Variants in METTL15 observed in about 807,000 individuals in gnomAD.
METTL15 encodes 12S rRNA N(4)-cytidine methyltransferase METTL15.
A neutral mutation model predicts 38.3 loss-of-function variants in METTL15; 34 were observed. That is an observed-to-expected ratio of 0.89 (90% CI 0.68 to 1.18). METTL15 has a LOEUF of 1.18. Among genes scored for constraint, METTL15 ranks in the 50% most tolerant of loss-of-function variants. The probability of loss-of-function intolerance (pLI) is 0.00; values close to 1 mark genes in which losing one functional copy is unlikely to be tolerated. For synonymous variants in METTL15, 162 were observed against 170.9 expected, an observed-to-expected ratio of 0.95 and a Z score of 0.41; for missense variants, 438 against 498.4, an observed-to-expected ratio of 0.88 and a Z score of 1.15.
chr11:28,180,297 T>C (rs1192300613), intron 3 of METTL15, among the ~76,000 whole-genome samples: 2 of 151,926 alleles, frequency 1.3e-5, no homozygotes, highest in African/African-American at 2.4e-5. Context: ...CTCTCTGATA[T>C]CACTGCTATC....
intron 5 of METTL15, among the ~76,000 whole-genome samples, chr11:28,362,327 T>C (rs1850146694): frequency 1.3e-5 from 2 of 152,198 alleles, no homozygotes; most frequent in Admixed American, 6.5e-5. Flanking sequence ...CTGCTTTCTT[T>C]TTTTTAATTT....
At chr11:28,196,524 T>C (rs942160632) in intron 3 of METTL15, among the ~76,000 whole-genome samples, 2 of 152,046 alleles carry the variant, frequency 1.3e-5, no homozygotes, top group African/African-American at 4.8e-5. Flanking sequence ...ACAGCAGTGC[T>C]GCTGATGTAT....
chr11:28,522,360 A>C (rs1041469476), intron 6 of METTL15, among the ~76,000 whole-genome samples: 1 of 152,250 alleles, frequency 6.6e-6, no homozygotes, highest in Non-Finnish European at 1.5e-5. Context: ...AAAATGGCCC[A>C]GCAGGCTGGA....
At chr11:28,269,922 T>G (rs1229270146) in intron 4 of METTL15, among the ~76,000 whole-genome samples, 3 of 152,222 alleles carry the variant, frequency 2.0e-5, no homozygotes, top group African/African-American at 7.2e-5. Context: ...GGAAAATATT[T>G]TAGATTTTTA....
intron 6 of METTL15, among the ~76,000 whole-genome samples, chr11:28,318,473 C>T (rs546936157): frequency 3.9e-5 from 6 of 152,160 alleles, no homozygotes; most frequent in East Asian, 3.9e-4. Context: ...GCCGAAGGAA[C>T]GGTATGTGCA....
At chr11:28,451,640 G>A (rs904139003) in intron 6 of METTL15, among the ~76,000 whole-genome samples, 6 of 152,166 alleles carry the variant, frequency 3.9e-5, no homozygotes, top group Non-Finnish European at 2.9e-5. Context: ...GAATGGATTT[G>A]GCATGGTAAA....
At chr11:28,117,241 G>T (rs12795990) in intron 3 of METTL15, among the ~76,000 whole-genome samples, 1 of 62,062 alleles carries the variant, frequency 1.6e-5, no homozygotes. Flanking sequence ...ATGTATGTGT[G>T]TGTGTGTGTG....
chr11:28,279,914 C>CAAAAAAAAAAAAAAAAAA (rs57284585), intron 4 of METTL15, among the ~76,000 whole-genome samples: 1 of 81,632 alleles, frequency 1.2e-5, no homozygotes, highest in African/African-American at 4.8e-5. Context: ...CAAAACAAAA[C>CAAAAAAAAAAAAAAAAAA]AAAAAAAAAA....
At chr11:28,315,713 G>A (rs1395337030) in intron 6 of METTL15, among the ~76,000 whole-genome samples, 1 of 152,206 alleles carries the variant, frequency 6.6e-6, no homozygotes, top group East Asian at 1.9e-4. Flanking sequence ...GGATTCATGG[G>A]CCAGGCCCAA....
chr11:28,341,771 A>G (rs1198023617), intron 3 of METTL15, among the ~76,000 whole-genome samples: 1 of 152,158 alleles, frequency 6.6e-6, no homozygotes, highest in Non-Finnish European at 1.5e-5. Context: ...TGGAGTTTGT[A>G]TTGGACATGC....
chr11:28,181,837 T>A lies in METTL15; in HGVS notation c.271-29225T>A, dbSNP rs1001575094. Among the ~76,000 whole-genome samples the A allele has an allele frequency of 2.0e-5, 3 of 152,118 alleles. No individual in the cohort carries two copies. The South Asian group carries it at 6.2e-4, about 31-fold the overall frequency. On this transcript the variant is annotated intron_variant, in intron 3 of 6. Transcript: ENST00000407364. ...AGATCCTTGAGGAATCATCATACTG[T>A]CTTCCACAATGGTTGAACTCATTTA...
At chr11:28,408,299 A>T (rs1850692370) in intron 5 of METTL15, among the ~76,000 whole-genome samples, 1 of 152,114 alleles carries the variant, frequency 6.6e-6, no homozygotes, top group South Asian at 2.1e-4. Context: ...CTGCATATGA[A>T]TCCCAGAATG....
intron 4 of METTL15, among the ~76,000 whole-genome samples, chr11:28,288,426 A>G (rs1348579277): frequency 6.6e-6 from 1 of 152,184 alleles, no homozygotes; most frequent in East Asian, 1.9e-4. Context: ...ATGCCCATTA[A>G]TGGTAGACTG....
At chr11:28,346,960 C>A (rs1850001397) in intron 3 of METTL15, among the ~76,000 whole-genome samples, 1 of 152,178 alleles carries the variant, frequency 6.6e-6, no homozygotes, top group South Asian at 2.1e-4. Context: ...TGTTTACTAA[C>A]CACAGATTGA....
intron 3 of METTL15, among the ~76,000 whole-genome samples, chr11:28,138,110 C>T (rs544715022): frequency 3.4e-3 from 449 of 133,156 alleles, no homozygotes; most frequent in Non-Finnish European, 5.9e-3. Flanking sequence ...ATGTGGAAAA[C>T]AAGGGATTTT....
chr11:28,341,549 T>C (rs576109336), intron 3 of METTL15, among the ~76,000 whole-genome samples: 5 of 152,302 alleles, frequency 3.3e-5, no homozygotes, highest in Non-Finnish European at 7.4e-5. Context: ...CATATAAATT[T>C]ATCTCTAAAC....
Position 28,265,312 on chromosome 11 carries a change from A to G in METTL15, c.408-24894A>G, listed in dbSNP as rs536521397. Among the ~76,000 whole-genome samples the G allele has an allele frequency of 9.2e-5, 14 of 151,762 alleles. No homozygotes were observed. The East Asian group carries it at 2.0e-3, about 21-fold the overall frequency. On this transcript the variant is annotated intron_variant, in intron 4 of 6. Transcript: ENST00000407364. ...CACAAGGTCTCAGCTACTCAATTAA[A>G]CTGGTAATCTATAGAATATGATGAT...
intron 3 of METTL15, chr11:28,145,526 G>A (rs1849850950): frequency 6.6e-6 from 1 of 151,908 alleles, no homozygotes; most frequent in African/African-American, 2.4e-5. Flanking sequence ...GTTAGAACTG[G>A]CTTTGGCCTG....
At chr11:28,512,659 A>G (rs1851685604) in intron 6 of METTL15, among the ~76,000 whole-genome samples, 1 of 151,980 alleles carries the variant, frequency 6.6e-6, no homozygotes. Context: ...CCCACCCAGA[A>G]CTCCAGCTGG....
Sources: allele counts gnomAD v4.1 joint callset (sites outside exome capture counted in the v4.1 genomes callset), GRCh38; gene constraint gnomAD v4.1.1; transcripts MANE v1.5; gene names NCBI Gene and HGNC (gene_info 2026-07-23, HGNC 2026-07-21).